The following USH2A variants were observed in gnomAD, a reference collection of about 807,000 sequenced individuals.
The protein encoded by USH2A is usherin.
In USH2A, 443 loss-of-function variants were observed where a neutral mutation model predicts 538.9. The ratio of observed to expected loss-of-function variants is 0.82; its 90% CI spans 0.76 to 0.89. The LOEUF is 0.89. USH2A is among the 40% of genes least tolerant of loss of function. The pLI, the probability that USH2A is intolerant of heterozygous loss-of-function variation, is 0.00. For missense variants in USH2A, 6,633 were observed against 6,324.8 expected (o/e 1.05, Z -1.65); for synonymous variants, 2,413 against 2,273.5 (o/e 1.06, Z -1.75).
At chr1:216,053,454 CTTTTT>C (rs34981846) in intron 30 of USH2A, among the ~76,000 whole-genome samples, 1 of 111,182 alleles carries the variant, frequency 9.0e-6, no homozygotes, top group Non-Finnish European at 1.9e-5. Context: ...CCAGAGAAGT[CTTTTT>C]TTTTTTTTTT....
intron 30 of USH2A, among the ~76,000 whole-genome samples, chr1:216,062,128 G>A (rs1055266011): frequency 3.9e-5 from 6 of 152,160 alleles, no homozygotes; most frequent in Non-Finnish European, 7.3e-5. Flanking sequence ...GAAGGATAAG[G>A]ATATAGCCCT....
chr1:215,731,307 G>A (rs1014867365), intron 60 of USH2A, among the ~76,000 whole-genome samples: 5 of 152,246 alleles, frequency 3.3e-5, no homozygotes, highest in Admixed American at 1.3e-4. Context: ...TAATATCGTG[G>A]AGAAGTACAT....
chr1:215,753,644 C>T (rs1172879795), intron 58 of USH2A, among the ~76,000 whole-genome samples: 3 of 151,788 alleles, frequency 2.0e-5, no homozygotes, highest in Admixed American at 6.6e-5. Context: ...GGGAACATCA[C>T]ATACCGGGGC....
At chr1:216,011,291 C>G (rs1330144696) in intron 32 of USH2A, among the ~76,000 whole-genome samples, 1 of 152,214 alleles carries the variant, frequency 6.6e-6, no homozygotes, top group South Asian at 2.1e-4. Flanking sequence ...GTCATCCCAG[C>G]CTCTCTTTGC....
At chr1:215,817,769 C>G (rs1571716389) in intron 47 of USH2A, among the ~76,000 whole-genome samples, 1 of 151,848 alleles carries the variant, frequency 6.6e-6, no homozygotes, top group South Asian at 2.1e-4. Context: ...AAAACAATCA[C>G]AAAGATGCCG....
rs1211647810 is a variant in USH2A, at chr1:215,888,616, C to T, written c.8033G>A (p.Ser2678Asn). The change falls in exon 41 of 72, where the codon AGT becomes AAT. Residue 2678 changes from serine (S) to asparagine (N), a missense_variant. Physicochemically the swap from Ser to Asn is conservative, Grantham distance 46. Transcript: ENST00000307340. ...CTTGTCAATAAACCTCATGGAATGA[C>T]TCCTCGGGAGAGTCACCAGGGTAGT... Reference protein sequence around the residue: ...EVTTLVTLPRSHSMRFIDKTS... With the variant: ...EVTTLVTLPRNHSMRFIDKTS... 3 of 1,614,044 alleles carry T rather than the reference C, an allele frequency of 1.9e-6. No homozygotes were observed. Among genetic ancestry groups the T allele is most frequent in the South Asian group, 1.1e-5 (1 of 91,090 alleles).
chr1:216,022,233 T>G (rs535029318), intron 32 of USH2A, among the ~76,000 whole-genome samples: 26 of 152,202 alleles, frequency 1.7e-4, no homozygotes, highest in Admixed American at 1.3e-3. Flanking sequence ...GAACACTAAA[T>G]GGACTGAGAC....
chr1:215,824,834 C>T (rs978312759), intron 47 of USH2A, among the ~76,000 whole-genome samples: 3 of 152,072 alleles, frequency 2.0e-5, no homozygotes, highest in South Asian at 2.1e-4. Context: ...TTTCCACAAG[C>T]GTGGTGCTGA....
In USH2A at chr1:215,888,573, T is replaced by G. The variant is rs1665126848; in HGVS notation, c.8076A>C (p.Pro2692=). ...RFIDKTSALS[P]WTKYEYRVLM... ...GTACCCGATATTCATATTTTGTCCA[T>G]GGGCTAAGAGCAGAAGTCTTGTCAA... Residue 2692 remains proline, a synonymous_variant, in exon 41 of 72, where the codon CCA becomes CCC. Transcript: ENST00000307340. 1.2e-6 allele frequency: 2 copies of G among 1,614,170 alleles called. No homozygotes were observed. The highest frequency in any genetic ancestry group is 1.7e-6 in the Non-Finnish European group (2 of 1,180,024).
At chr1:216,362,879 C>T (rs530933879) in intron 4 of USH2A, among the ~76,000 whole-genome samples, 1 of 150,812 alleles carries the variant, frequency 6.6e-6, no homozygotes, top group Non-Finnish European at 1.5e-5. Flanking sequence ...ACAGAGGTTG[C>T]AGAGAGCCGA....
intron 11 of USH2A, among the ~76,000 whole-genome samples, chr1:216,251,439 C>A (rs781292189): frequency 7.9e-6 from 1 of 126,668 alleles, no homozygotes; most frequent in Non-Finnish European, 1.7e-5. Context: ...GACACCACTT[C>A]CCCTTTTTTT....
At chr1:216,363,734 T>C (rs766176925) in intron 4 of USH2A, among the ~76,000 whole-genome samples, 57 of 152,118 alleles carry the variant, frequency 3.7e-4, no homozygotes, top group Non-Finnish European at 5.1e-4. Flanking sequence ...AACTATACAA[T>C]TGCATAGAAT....
chr1:216,210,524 G>A (rs1181809401), intron 15 of USH2A, among the ~76,000 whole-genome samples: 2 of 152,122 alleles, frequency 1.3e-5, no homozygotes, highest in African/African-American at 2.4e-5. Context: ...CTCACAAGAA[G>A]CAGGGACCCC....
chr1:215,924,099 G>A (rs1391608155), intron 38 of USH2A, among the ~76,000 whole-genome samples: 1 of 151,916 alleles, frequency 6.6e-6, no homozygotes, highest in African/African-American at 2.4e-5. Context: ...AAAAATGAAA[G>A]ATAGTATACA....
intron 9 of USH2A, among the ~76,000 whole-genome samples, chr1:216,300,900 C>T (rs1571678762): frequency 6.6e-6 from 1 of 151,910 alleles, no homozygotes; most frequent in African/African-American, 2.4e-5. Flanking sequence ...AGGCACACAT[C>T]ACCATGCCCA....
chr1:215,724,631 A>G (rs1395653538), intron 61 of USH2A, among the ~76,000 whole-genome samples: 1 of 152,162 alleles, frequency 6.6e-6, no homozygotes, highest in Non-Finnish European at 1.5e-5. Context: ...TAAAAATGAA[A>G]TGGGGTCTTC....
chr1:215,945,513 C>CT (rs968706744), intron 37 of USH2A, among the ~76,000 whole-genome samples: 4 of 152,062 alleles, frequency 2.6e-5, no homozygotes, highest in East Asian at 1.9e-4. Flanking sequence ...ATTAACAGGT[C>CT]TTTTTTTAAA....
chr1:216,396,138 A>G (rs547988640), intron 3 of USH2A, among the ~76,000 whole-genome samples: 1 of 152,302 alleles, frequency 6.6e-6, no homozygotes, highest in South Asian at 2.1e-4. Context: ...AATCGCAGTA[A>G]ATACAATATG....
At chr1:216,046,052 C>T (rs1027868643) in intron 32 of USH2A, among the ~76,000 whole-genome samples, 27 of 88,168 alleles carry the variant, frequency 3.1e-4, no homozygotes, top group Non-Finnish European at 6.3e-4. Context: ...TGTGTGTGTG[C>T]AGTCACTCCT....
Sources: allele counts gnomAD v4.1 joint callset (sites outside exome capture counted in the v4.1 genomes callset), GRCh38; gene constraint gnomAD v4.1.1; transcripts MANE v1.5; gene names NCBI Gene and HGNC (gene_info 2026-07-23, HGNC 2026-07-21).